RBFOX1: variants seen among roughly 807,000 people sequenced by gnomAD.
RBFOX1 encodes RNA binding fox-1 homolog 1, also known as RNA binding protein fox-1 homolog 1.
In RBFOX1, 8 loss-of-function variants were observed where a neutral mutation model predicts 57.7. That is an observed-to-expected ratio of 0.14 (90% CI 0.08 to 0.25). The LOEUF is 0.25. Ranked by LOEUF, RBFOX1 falls within the 10% of genes least tolerant of loss-of-function variation. RBFOX1 has a pLI of 1.00. For missense variants in RBFOX1, 611 were observed against 548.5 expected (o/e 1.11, Z -1.14); for synonymous variants, 326 against 222.4 (o/e 1.47, Z -4.15).
chr16:6,607,818 T>C (rs1163835103), intron 2 of RBFOX1, among the ~76,000 whole-genome samples: 4 of 152,200 alleles, frequency 2.6e-5, no homozygotes, highest in Admixed American at 6.5e-5. Flanking sequence ...TGAGCGATCA[T>C]AGAATGGGAG....
chr16:6,531,205 C>G (rs1012530146), intron 2 of RBFOX1, among the ~76,000 whole-genome samples: 5 of 152,194 alleles, frequency 3.3e-5, no homozygotes, highest in Non-Finnish European at 7.3e-5. Flanking sequence ...TTCTATTTTT[C>G]TCCAGCGCTC....
At chr16:6,005,369 G>T (rs1335074857) in intron 4 of RBFOX1, among the ~76,000 whole-genome samples, 1 of 152,218 alleles carries the variant, frequency 6.6e-6, no homozygotes, top group Non-Finnish European at 1.5e-5. Flanking sequence ...TGTTTGTTGA[G>T]CATCTGCTAT....
intron 1 of RBFOX1, among the ~76,000 whole-genome samples, chr16:6,112,465 C>T (rs747192149): frequency 2.0e-5 from 3 of 152,054 alleles, no homozygotes; most frequent in Non-Finnish European, 4.4e-5. Flanking sequence ...CCAAGATGGG[C>T]GGATCACCTG....
intron 4 of RBFOX1, among the ~76,000 whole-genome samples, chr16:5,971,213 G>C (rs970060423): frequency 5.3e-5 from 8 of 152,182 alleles, no homozygotes; most frequent in Non-Finnish European, 1.0e-4. Flanking sequence ...TTTTCCTCAA[G>C]GAATTTATAT....
chr16:5,769,795 A>G (rs1379405608), intron 3 of RBFOX1, among the ~76,000 whole-genome samples: 1 of 152,200 alleles, frequency 6.6e-6, no homozygotes, highest in Admixed American at 6.5e-5. Flanking sequence ...AAACCTGTCA[A>G]TACCTTGATT....
intron 4 of RBFOX1, among the ~76,000 whole-genome samples, chr16:7,294,516 G>A (rs1253403500): frequency 7.0e-6 from 1 of 142,682 alleles, no homozygotes; most frequent in Non-Finnish European, 1.6e-5. Flanking sequence ...ATAGGAAAGT[G>A]TTGGCAAGAA....
intron 2 of RBFOX1, among the ~76,000 whole-genome samples, chr16:6,391,496 C>G (rs1169021945): frequency 4.4e-5 from 6 of 136,116 alleles, no homozygotes; most frequent in Admixed American, 3.8e-4. Flanking sequence ...GGCAACAGAA[C>G]AAGACTCCGT....
At chr16:7,630,560 A>T (rs761725727) in intron 10 of RBFOX1, 43 bp from the exon 11 acceptor site, 1 of 1,611,546 alleles carries the variant, frequency 6.2e-7, no homozygotes, top group South Asian at 1.1e-5. Context: ...GGTGTAGTGT[A>T]CCGATTCCCA....
intron 3 of RBFOX1, among the ~76,000 whole-genome samples, chr16:5,792,225 T>C (rs1230594635): frequency 6.6e-6 from 1 of 152,194 alleles, no homozygotes; most frequent in Non-Finnish European, 1.5e-5. Context: ...CTGAATGGCT[T>C]CTCTGTAAAT....
intron 4 of RBFOX1, among the ~76,000 whole-genome samples, chr16:7,082,562 A>C (rs1190424177): frequency 7.2e-6 from 1 of 139,546 alleles, no homozygotes; most frequent in Admixed American, 7.1e-5. Flanking sequence ...ACCATGTCTC[A>C]AAAAAAAAAA....
chr16:6,157,117 G>T (rs2096843958), intron 1 of RBFOX1, among the ~76,000 whole-genome samples: 1 of 151,934 alleles, frequency 6.6e-6, no homozygotes, highest in African/African-American at 2.4e-5. Flanking sequence ...TTAGAGGTGT[G>T]AGCCAACACC....
chr16:6,331,771 T>TAAA (rs5815300), intron 2 of RBFOX1, among the ~76,000 whole-genome samples: 1 of 149,326 alleles, frequency 6.7e-6, no homozygotes, highest in African/African-American at 2.5e-5. Context: ...CACCTTTTTT[T>TAAA]AAAAAAAAAA....
chr16:5,942,287 G>T (rs1042192908), intron 4 of RBFOX1, among the ~76,000 whole-genome samples: 5 of 152,108 alleles, frequency 3.3e-5, no homozygotes, highest in African/African-American at 7.2e-5. Context: ...CTAGGAAATG[G>T]GTGCTGCTTA....
rs532870312 is a variant in RBFOX1, at chr16:6,096,269, G to A, written c.-127+76277G>A. On this transcript the variant is annotated intron_variant, in intron 1 of 15. Transcript: ENST00000550418. ...AAAAGTTCTGTCCCAAAGAAAAGAG[G>A]AGAAAAGGAAAGGAAACGAAGATGA... Among the ~76,000 whole-genome samples the A allele has an allele frequency of 2.0e-4, 30 of 152,242 alleles. No individual in the cohort carries two copies. In the South Asian group the frequency reaches 6.0e-3, roughly 31 times the overall value.
chr16:7,343,981 C>G (rs897789520), intron 4 of RBFOX1, among the ~76,000 whole-genome samples: 3 of 152,044 alleles, frequency 2.0e-5, no homozygotes, highest in Admixed American at 2.0e-4. Context: ...CAACCAACAC[C>G]AATGCAATTA....
At chr16:6,327,209 T>C (rs1190230490) in intron 2 of RBFOX1, among the ~76,000 whole-genome samples, 1 of 152,206 alleles carries the variant, frequency 6.6e-6, no homozygotes, top group Non-Finnish European at 1.5e-5. Context: ...TCCCTGAAGC[T>C]GCTTAAGCAT....
At chr16:6,913,683 C>T (rs867661580) in intron 3 of RBFOX1, among the ~76,000 whole-genome samples, 2 of 152,186 alleles carry the variant, frequency 1.3e-5, no homozygotes, top group Admixed American at 6.5e-5. Flanking sequence ...GTAGACCTGG[C>T]TCCTTGCCTA....
intron 3 of RBFOX1, among the ~76,000 whole-genome samples, chr16:6,811,197 G>A (rs889232263): frequency 6.6e-6 from 1 of 152,124 alleles, no homozygotes; most frequent in Non-Finnish European, 1.5e-5. Flanking sequence ...AATAATTGAA[G>A]AGACCTGCCT....
intron 1 of RBFOX1, among the ~76,000 whole-genome samples, chr16:6,055,138 A>G (rs2095599411): frequency 6.6e-6 from 1 of 152,256 alleles, no homozygotes; most frequent in South Asian, 2.1e-4. Flanking sequence ...AACTTATCCT[A>G]CAGGTCATTT....
Sources: gnomAD v4.1 joint callset for allele counts (sites outside exome capture counted in the v4.1 genomes callset) on GRCh38, gnomAD v4.1.1 for gene constraint, MANE v1.5 for transcripts, NCBI Gene and HGNC (gene_info 2026-07-23, HGNC 2026-07-21) for gene names.